Variants in NRXN2 observed in about 807,000 individuals in gnomAD.
The protein encoded by NRXN2 is neurexin-2-beta.
Under a neutral mutation model 128.8 loss-of-function variants are expected in NRXN2, and 29 were observed. That is an observed-to-expected ratio of 0.23 (90% confidence interval 0.17 to 0.31). The LOEUF is 0.31. NRXN2 is among the 10% of genes least tolerant of loss of function. The pLI is 1.00. For missense variants in NRXN2, 1,881 were observed against 2,452.6 expected, an observed-to-expected ratio of 0.77 and a Z score of 4.92; for synonymous variants, 1,098 against 1,075.2, an observed-to-expected ratio of 1.02 and a Z score of -0.41.
intron 9 of NRXN2, 59 bp from the exon 10 acceptor site, chr11:64,661,198 A>T (rs552571656): frequency 1.2e-6 from 2 of 1,608,340 alleles, no homozygotes; most frequent in South Asian, 2.2e-5. Flanking sequence ...GGACATCCTG[A>T]CTCTGCCAAG....
At chr11:64,680,176 G>A (rs1014999409) in intron 6 of NRXN2, among the ~76,000 whole-genome samples, 2 of 152,092 alleles carry the variant, frequency 1.3e-5, no homozygotes, top group African/African-American at 4.8e-5. Flanking sequence ...GAGAGCCTCG[G>A]GACAAAACTA....
chr11:64,708,447 C>T (rs1323985476), intron 2 of NRXN2, among the ~76,000 whole-genome samples: 2 of 152,214 alleles, frequency 1.3e-5, no homozygotes, highest in Non-Finnish European at 2.9e-5. Context: ...TGAGGAAGCA[C>T]TGTCATGCAA....
At chr11:64,721,328 A>G (rs1215950291) in intron 1 of NRXN2, among the ~76,000 whole-genome samples, 3 of 151,754 alleles carry the variant, frequency 2.0e-5, no homozygotes, top group East Asian at 1.9e-4. Flanking sequence ...CAGAACTCCA[A>G]TGTCATATGG....
intron 5 of NRXN2, among the ~76,000 whole-genome samples, chr11:64,689,366 G>A (rs1472458218): frequency 6.6e-6 from 1 of 151,816 alleles, no homozygotes; most frequent in Non-Finnish European, 1.5e-5. Context: ...CACCGTGCCT[G>A]GCCTCAATGA....
chr11:64,629,474 CAT>C (rs1253478732), intron 19 of NRXN2, among the ~76,000 whole-genome samples: 1 of 152,122 alleles, frequency 6.6e-6, no homozygotes, highest in East Asian at 1.9e-4. Context: ...GTGCTATTTC[CAT>C]ATCTTTCCAT....
chr11:64,647,697 T>C (rs1420607843), intron 17 of NRXN2, among the ~76,000 whole-genome samples: 1 of 152,252 alleles, frequency 6.6e-6, no homozygotes, highest in African/African-American at 2.4e-5. Flanking sequence ...TCCAGCAGCC[T>C]GGCCTCCTGG....
chr11:64,637,862 G>A (rs1162636287), intron 17 of NRXN2, among the ~76,000 whole-genome samples: 1 of 152,156 alleles, frequency 6.6e-6, no homozygotes, highest in African/African-American at 2.4e-5. Context: ...CCCTGTCTGT[G>A]CCCAGAGAGG....
chr11:64,629,071 C>T (rs893287722), intron 19 of NRXN2, among the ~76,000 whole-genome samples: 2 of 152,190 alleles, frequency 1.3e-5, no homozygotes, highest in Non-Finnish European at 2.9e-5. Flanking sequence ...TGTCATAAGC[C>T]TGTACTGGCA....
chr11:64,617,407 A>G (rs2041706666), intron 22 of NRXN2, among the ~76,000 whole-genome samples: 1 of 152,188 alleles, frequency 6.6e-6, no homozygotes, highest in Non-Finnish European at 1.5e-5. Flanking sequence ...GCCAGCTGAG[A>G]CAACTATGAG....
rs1252172644 is a variant in NRXN2, at chr11:64,713,292, C to T, written c.408G>A (p.Glu136=). 7 of 1,373,284 alleles carry T rather than the reference C, an allele frequency of 5.1e-6. No homozygotes were observed. The highest frequency in any genetic ancestry group is 6.6e-6 in the Non-Finnish European group (7 of 1,068,068). The allele number at this position is 1,373,284 out of a possible 1,614,324, so 85.1% of individuals were successfully genotyped here. A position where few individuals can be genotyped will look rare whatever the true frequency, so the allele number is the denominator to read the frequency against. The change falls in exon 2 of 23, where the codon GAG becomes GAA. Residue 136 remains glutamate (E), a synonymous_variant. Coordinates refer to ENST00000265459, the MANE Select transcript of NRXN2 (RefSeq NM_015080.4). Reference sequence around the variant, plus strand: ...GCATCTCGCGCCGCTTGGAGCGCACCTCGGCGGCGCGGGCCTCGCCGTCCA... The same window carrying T: ...GCATCTCGCGCCGCTTGGAGCGCACTTCGGCGGCGCGGGCCTCGCCGTCCA... ...LAVDGEARAA[E]VRSKRREMQV... is the part of the protein sequence containing the mutation.
Position 64,608,008 on chromosome 11 carries a change from C to A in NRXN2, c.4327G>T (p.Val1443Leu), listed in dbSNP as rs1248589589. ...PPPVATRSPF[V>L]PPPPTFYPFL... ...GGGTAGAAGGTAGGGGGCGGGGGCA[C>A]GAAGGGGGATCGGGTGGCCACGGGA... is the stretch of plus-strand genomic sequence containing the variant. Residue 1443 changes from valine (V) to leucine (L), a missense_variant, in exon 23 of 23, where the codon GTG (valine) becomes TTG (leucine). Coordinates refer to ENST00000265459, the MANE Select transcript of NRXN2 (RefSeq NM_015080.4). 44 of 1,364,270 alleles carry A rather than the reference C, an allele frequency of 3.2e-5. No homozygotes were observed. The highest frequency in any genetic ancestry group is 4.1e-5 in the Non-Finnish European group (42 of 1,026,068). The allele number at this position is 1,364,270 out of a possible 1,614,324, so 84.5% of individuals were successfully genotyped here. A position where few individuals can be genotyped will look rare whatever the true frequency, so the allele number is the denominator to read the frequency against.
At chr11:64,655,097 G>C (rs916455430) in intron 11 of NRXN2, among the ~76,000 whole-genome samples, 14 of 152,346 alleles carry the variant, frequency 9.2e-5, no homozygotes, top group African/African-American at 2.6e-4. Context: ...GGAAGCAAAG[G>C]GGGTGGGCAG....
At chr11:64,682,062 C>T (rs944645288) in intron 6 of NRXN2, among the ~76,000 whole-genome samples, 4 of 152,120 alleles carry the variant, frequency 2.6e-5, no homozygotes, top group Non-Finnish European at 4.4e-5. Flanking sequence ...TGGGGGGCTA[C>T]ACTCTTGCTG....
intron 5 of NRXN2, among the ~76,000 whole-genome samples, chr11:64,689,332 A>G (rs1331697618): frequency 6.6e-6 from 1 of 151,470 alleles, no homozygotes; most frequent in East Asian, 1.9e-4. Flanking sequence ...GGCCTCTCAT[A>G]GTGCTGGGAT....
At chr11:64,643,851 G>C (rs965951261) in intron 17 of NRXN2, among the ~76,000 whole-genome samples, 131 of 152,014 alleles carry the variant, frequency 8.6e-4, no homozygotes, top group Non-Finnish European at 2.6e-4. Context: ...GCTAGCAAGA[G>C]AGGCCACTTT....
intron 7 of NRXN2, chr11:64,676,665 T>G (rs986862927): frequency 2.3e-6 from 1 of 444,122 alleles, no homozygotes; most frequent in African/African-American, 2.0e-5. Flanking sequence ...GGGGCTGGTC[T>G]AACCAGAGCC....
chr11:64,642,459 G>C, intron 17 of NRXN2: 2 of 1,499,840 alleles, frequency 1.3e-6, no homozygotes, highest in African/African-American at 1.4e-5. Context: ...GGTGGGGCCC[G>C]CGGGGGCCCA....
intron 7 of NRXN2, chr11:64,676,712 A>G: frequency 1.9e-6 from 1 of 535,728 alleles, no homozygotes; most frequent in Non-Finnish European, 3.3e-6. Context: ...CTCTCTGGCC[A>G]GGAATCTGAA....
intron 22 of NRXN2, among the ~76,000 whole-genome samples, chr11:64,616,473 A>G (rs998476867): frequency 1.1e-4 from 17 of 152,306 alleles, no homozygotes; most frequent in Admixed American, 1.0e-3. Flanking sequence ...ACATGCATGT[A>G]GGACTCTGTG....
Sources: gnomAD v4.1 joint callset for allele counts (sites outside exome capture counted in the v4.1 genomes callset) on GRCh38, gnomAD v4.1.1 for gene constraint, MANE v1.5 for transcripts, NCBI Gene and HGNC (gene_info 2026-07-23, HGNC 2026-07-21) for gene names.